The following MYO3B variants were observed in gnomAD, a reference collection of about 807,000 sequenced individuals.
MYO3B encodes myosin-IIIb.
A neutral mutation model predicts 174.6 loss-of-function variants in MYO3B; 156 were observed. The observed-to-expected ratio is 0.89, with a 90% CI of 0.78 to 1.02. The LOEUF is 1.02. Ranked by LOEUF, MYO3B falls within the 50% of genes least tolerant of loss-of-function variation. The pLI is 0.00. For missense variants in MYO3B, 1,632 were observed against 1,639.4 expected, an observed-to-expected ratio of 1.00 and a Z score of 0.08; for synonymous variants, 563 against 569.1, an observed-to-expected ratio of 0.99 and a Z score of 0.15.
chr2:170,563,119 TACACACAC>T lies in MYO3B; in HGVS notation c.3733+19151_3733+19158del, dbSNP rs56807707. The stretch of plus-strand genomic sequence containing the variant: ...TCTTTCTCTCTCTCTCTCTCACACA[TACACACAC>T]ACACACACACACACACACATACACA... On this transcript the variant is annotated intron_variant, in intron 32 of 34. Coordinates refer to ENST00000408978, the MANE Select transcript of MYO3B (RefSeq NM_138995.5). Among the ~76,000 whole-genome samples, 793 of 110,430 alleles carry T rather than the reference TACACACAC, an allele frequency of 7.2e-3. 10 individuals are homozygous for T. Among genetic ancestry groups the T allele is most frequent in the African/African-American group, 0.021 (745 of 35,990 alleles). 72.4% of individuals were successfully genotyped at this position (110,430 alleles called of 152,430 possible).
intron 25 of MYO3B, among the ~76,000 whole-genome samples, chr2:170,479,078 G>A (rs1685510980): frequency 6.7e-6 from 1 of 150,282 alleles, no homozygotes; most frequent in South Asian, 2.1e-4. Flanking sequence ...GAAGTCAGGA[G>A]TTCAAGACTA....
chr2:170,289,244 C>G (rs1304046376), intron 7 of MYO3B, among the ~76,000 whole-genome samples: 1 of 152,042 alleles, frequency 6.6e-6, no homozygotes, highest in Non-Finnish European at 1.5e-5. Context: ...GAAGTACTCC[C>G]TTGTCTTCAA....
chr2:170,556,342 G>C (rs956119944), intron 32 of MYO3B, among the ~76,000 whole-genome samples: 1 of 152,216 alleles, frequency 6.6e-6, no homozygotes, highest in Non-Finnish European at 1.5e-5. Flanking sequence ...TAATTCATTT[G>C]AGTTAATACC....
chr2:170,212,887 T>G (rs142540496), intron 3 of MYO3B, among the ~76,000 whole-genome samples: 7 of 152,342 alleles, frequency 4.6e-5, no homozygotes, highest in South Asian at 2.1e-4. Flanking sequence ...TGTAAACACT[T>G]GCGGGGCAGG....
chr2:170,599,779 T>G lies in MYO3B; in HGVS notation c.3734-51849T>G, dbSNP rs1575225725. ...ACAACAAAAAAAGTTCTTTTTGATGTGTTCAGCTCAATATTTTAGAGTGCT... is the reference window on the plus strand; with the variant it reads ...ACAACAAAAAAAGTTCTTTTTGATGGGTTCAGCTCAATATTTTAGAGTGCT... On this transcript the variant is annotated intron_variant, in intron 32 of 34. Coordinates refer to ENST00000408978, the MANE Select transcript of MYO3B (RefSeq NM_138995.5). Among the ~76,000 whole-genome samples the G allele has an allele frequency of 3.3e-5, 5 of 152,316 alleles. 1 individual carries two copies. The Middle Eastern group carries it at 0.017, about 518-fold the overall frequency.
At chr2:170,478,889 T>TAC (rs143792197) in intron 25 of MYO3B, among the ~76,000 whole-genome samples, 23,873 of 136,952 alleles carry the variant, frequency 0.17, 2,096 homozygotes, top group Non-Finnish European at 0.2. Context: ...AGGTTTTACA[T>TAC]ACACACACAC....
At chr2:170,375,757 A>G (rs941863529) in intron 9 of MYO3B, among the ~76,000 whole-genome samples, 12 of 151,188 alleles carry the variant, frequency 7.9e-5, no homozygotes, top group Middle Eastern at 3.4e-3. Context: ...AGCACCCCAT[A>G]TTATATACAC....
chr2:170,472,234 G>T (rs942989809), intron 25 of MYO3B, among the ~76,000 whole-genome samples: 2 of 152,118 alleles, frequency 1.3e-5, no homozygotes, highest in African/African-American at 4.8e-5. Flanking sequence ...TGACCATCCA[G>T]GCCCCCATGG....
intron 7 of MYO3B, among the ~76,000 whole-genome samples, chr2:170,251,729 A>C (rs2093255661): frequency 6.6e-6 from 1 of 152,206 alleles, no homozygotes; most frequent in Non-Finnish European, 1.5e-5. Flanking sequence ...TTGTAAGACA[A>C]TAAATTTCTG....
chr2:170,260,095 G>A (rs1175121250), intron 7 of MYO3B, among the ~76,000 whole-genome samples: 3 of 152,124 alleles, frequency 2.0e-5, no homozygotes, highest in South Asian at 2.1e-4. Flanking sequence ...GCAGAGAAAA[G>A]GGAATGCTCA....
intron 32 of MYO3B, among the ~76,000 whole-genome samples, chr2:170,593,120 G>A (rs542263165): frequency 1.3e-5 from 2 of 152,156 alleles, no homozygotes; most frequent in South Asian, 4.1e-4. Flanking sequence ...GAGAGAGTGA[G>A]CCAGTCTTGC....
At chr2:170,623,934 T>C (rs148423498) in intron 32 of MYO3B, among the ~76,000 whole-genome samples, 20,031 of 152,086 alleles carry the variant, frequency 0.13, 1,491 homozygotes, top group East Asian at 0.32. Context: ...TGGTCTATAT[T>C]TCTGTTTTGG....
intron 32 of MYO3B, among the ~76,000 whole-genome samples, chr2:170,617,725 A>G (rs1695558216): frequency 6.6e-6 from 1 of 152,198 alleles, no homozygotes. Context: ...GAGGGCTGTC[A>G]CTACGTTTTT....
At chr2:170,619,734 A>ATACTTTTTTTTTTTTT (rs1553539463) in intron 32 of MYO3B, among the ~76,000 whole-genome samples, 1 of 33,520 alleles carries the variant, frequency 3.0e-5, no homozygotes, top group Non-Finnish European at 7.4e-5. Context: ...CTGCTGCCAT[A>ATACTTTTTTTTTTTTT]TTCTTTTTTT....
chr2:170,304,456 T>C (rs2105451691), intron 7 of MYO3B, among the ~76,000 whole-genome samples: 1 of 151,336 alleles, frequency 6.6e-6, no homozygotes, highest in African/African-American at 2.4e-5. Flanking sequence ...TTTTTTTTTC[T>C]TTTTTCTTTT....
At chr2:170,391,668 C>A in intron 15 of MYO3B, 50 bp downstream of exon 15, 3 of 1,081,404 alleles carry the variant, frequency 2.8e-6, no homozygotes, top group Non-Finnish European at 4.1e-6. Flanking sequence ...GTACGATTAG[C>A]AGTTGACAAA....
rs1188172636 is a variant in MYO3B at position 170,519,507 on chromosome 2, C to T, written c.3542C>T (p.Ser1181Leu). 6.2e-7 allele frequency: 1 copy of T among 1,614,022 alleles called. No homozygotes were observed. Among genetic ancestry groups the T allele is most frequent in the Non-Finnish European group, 8.5e-7 (1 of 1,179,988 alleles). ...TCCAACAATGGCCGTACACAGACTT[C>T]AAGCAACTCTCCTGCTGTCACAGAG... Reference protein sequence around the residue: ...AESNNGRTQTSSNSPAVTEKN... With the variant: ...AESNNGRTQTLSNSPAVTEKN... The change falls in exon 30 of 35, where the codon TCA (serine) becomes TTA (leucine). Residue 1181 changes from serine to leucine, a missense_variant. Transcript: ENST00000408978.
chr2:170,302,065 A>G (rs1349240761), intron 7 of MYO3B, among the ~76,000 whole-genome samples: 3 of 152,112 alleles, frequency 2.0e-5, no homozygotes, highest in East Asian at 1.9e-4. Flanking sequence ...AGGCATAAGC[A>G]CGTCTTCCCA....
At chr2:170,306,225 C>T (rs953099553) in intron 7 of MYO3B, among the ~76,000 whole-genome samples, 1 of 152,146 alleles carries the variant, frequency 6.6e-6, no homozygotes, top group African/African-American at 2.4e-5. Context: ...GTGGAGGCTG[C>T]CATTCTTTGA....
Sources: gnomAD v4.1 joint callset for allele counts (sites outside exome capture counted in the v4.1 genomes callset) on GRCh38, gnomAD v4.1.1 for gene constraint, MANE v1.5 for transcripts, NCBI Gene and HGNC (gene_info 2026-07-23, HGNC 2026-07-21) for gene names.